Variants in IFT122 observed in about 807,000 individuals in gnomAD.
IFT122 encodes intraflagellar transport protein 122 homolog.
In IFT122, 118 loss-of-function variants were observed where a neutral mutation model predicts 161.6. The observed-to-expected ratio is 0.73, with a 90% CI of 0.63 to 0.85. The LOEUF (loss-of-function observed/expected upper bound fraction) is 0.85, where lower values mean the gene tolerates loss of function less well. Among genes scored for constraint, IFT122 ranks in the 40% least tolerant of loss-of-function variants. The probability of loss-of-function intolerance (pLI) is 0.00; values close to 1 mark genes in which losing one functional copy is unlikely to be tolerated. For synonymous variants in IFT122, 550 were observed against 602.4 expected, an observed-to-expected ratio of 0.91 and a Z score of 1.27; for missense variants, 1,381 against 1,579.6, an observed-to-expected ratio of 0.87 and a Z score of 2.13.
intron 5 of IFT122, chr3:129,463,320 C>G (rs1291236779): frequency 2.1e-6 from 1 of 478,462 alleles, no homozygotes; most frequent in Non-Finnish European, 3.8e-6. Flanking sequence ...CACCTTACCT[C>G]CAGTTATCTC....
At chr3:129,485,862 A>G (rs746924794) in intron 15 of IFT122, among the ~76,000 whole-genome samples, 34 of 152,222 alleles carry the variant, frequency 2.2e-4, no homozygotes, top group Non-Finnish European at 3.4e-4. Flanking sequence ...TTCTCAAGAC[A>G]AAGGCTGTTC....
Position 129,478,433 on chromosome 3 carries a change from G to GTTTTA in IFT122, c.1350+223_1350+227dup, listed in dbSNP as rs146257299. ...GCCATAAACTGGAGAATGTTTTTTT[G>GTTTTA]TTTTATTTTATTATTTTTTAAAAAA... is the stretch of plus-strand genomic sequence containing the variant. On this transcript the variant is annotated intron_variant, in intron 12 of 29. Coordinates refer to ENST00000348417, the MANE Select transcript of IFT122 (RefSeq NM_052989.3). 0.13 allele frequency among the ~76,000 whole-genome samples: 20,079 copies of GTTTTA among 151,936 alleles called. 1,684 individuals are homozygous for GTTTTA. Among genetic ancestry groups the GTTTTA allele is most frequent in the South Asian group, 0.24 (1,151 of 4,808 alleles).
intron 2 of IFT122, among the ~76,000 whole-genome samples, chr3:129,451,253 C>G (rs937381410): frequency 6.6e-6 from 1 of 152,094 alleles, no homozygotes; most frequent in Non-Finnish European, 1.5e-5. Flanking sequence ...CACACACCAC[C>G]TCGTCCACCT....
intron 13 of IFT122, 115 bp from the exon 14 acceptor site, chr3:129,481,415 T>C: frequency 1.1e-6 from 1 of 926,406 alleles, no homozygotes. Context: ...ACAGAGCTTC[T>C]GGTGAAGGTG....
chr3:129,442,552 A>G (rs936730297), intron 1 of IFT122, among the ~76,000 whole-genome samples: 2 of 151,254 alleles, frequency 1.3e-5, no homozygotes, highest in Non-Finnish European at 2.9e-5. Flanking sequence ...CTGATAGCCC[A>G]GAATGAAAAC....
chr3:129,484,079 A>G (rs371776414), intron 15 of IFT122, among the ~76,000 whole-genome samples: 3 of 148,896 alleles, frequency 2.0e-5, no homozygotes, highest in African/African-American at 5.0e-5. Flanking sequence ...GAGAGAGGGG[A>G]GAGAGAGAAT....
chr3:129,467,990 G>A (rs1162208107), intron 8 of IFT122, among the ~76,000 whole-genome samples: 1 of 152,172 alleles, frequency 6.6e-6, no homozygotes, highest in Non-Finnish European at 1.5e-5. Context: ...CATCTCACAG[G>A]GACTGAGCCC....
chr3:129,499,763 C>G (rs957699669), intron 18 of IFT122, 139 bp from the exon 19 acceptor site: 65 of 963,832 alleles, frequency 6.7e-5, no homozygotes, highest in Non-Finnish European at 1.0e-4. Context: ...CAACTCAGCC[C>G]CTCAGGGCCG....
intron 5 of IFT122, among the ~76,000 whole-genome samples, chr3:129,462,213 C>T (rs572709117): frequency 6.6e-6 from 1 of 152,296 alleles, no homozygotes; most frequent in African/African-American, 2.4e-5. Context: ...AAGCACTGGT[C>T]TGTGTGCTTA....
intron 23 of IFT122, 117 bp from the exon 24 acceptor site, chr3:129,512,195 C>T (rs914547532): frequency 3.8e-6 from 3 of 794,232 alleles, no homozygotes; most frequent in Non-Finnish European, 6.9e-6. Flanking sequence ...AGTAGGTGCT[C>T]AATAATCAGA....
chr3:129,480,597 A>G (rs2108318112), intron 13 of IFT122, among the ~76,000 whole-genome samples: 1 of 152,296 alleles, frequency 6.6e-6, no homozygotes, highest in Non-Finnish European at 1.5e-5. Flanking sequence ...TGGAAGTCAC[A>G]GGGCATGAGA....
intron 20 of IFT122, 66 bp from the exon 21 acceptor site, chr3:129,504,253 A>G (rs897325860): frequency 3.1e-6 from 4 of 1,304,656 alleles, no homozygotes; most frequent in Non-Finnish European, 3.3e-6. Flanking sequence ...GATTCAGCCA[A>G]GTACAGTGTT....
In IFT122 at chr3:129,488,129, C is replaced by T. The variant is rs888954264; in HGVS notation, c.1852-128C>T. 2.1e-4 allele frequency: 315 copies of T among 1,506,204 alleles called. 1 individual carries two copies. Among genetic ancestry groups the T allele is most frequent in the Non-Finnish European group, 2.7e-4 (295 of 1,093,390 alleles). 93.3% of individuals were successfully genotyped at this position (1,506,204 alleles called of 1,614,324 possible). ...GCAGGCTGGGCAGGGTGCTGATTGG[C>T]GGCTGCAGGGCTGCTCCCCAGGCAT... On this transcript the variant is annotated intron_variant, in intron 15 of 29. Coordinates refer to ENST00000348417, the MANE Select transcript of IFT122 (RefSeq NM_052989.3).
Position 129,507,689 on chromosome 3 carries a change from T to C in IFT122, c.2813T>C (p.Met938Thr), listed in dbSNP as rs1249318811. 6.2e-7 allele frequency: 1 copy of C among 1,614,042 alleles called. No homozygotes were observed. Among genetic ancestry groups the C allele is most frequent in the Non-Finnish European group, 8.5e-7 (1 of 1,179,996 alleles). ...IAQDPAQKDT[M>T]LGKFYHFQRL... ...GCAGATCCTGCCCAGAAGGACACAA[T>C]GCTTGGCAAGTTCTACCACTTCCAG... The change falls in exon 23 of 30, where the codon ATG becomes ACG. Residue 938 changes from methionine to threonine, a missense_variant. Met to Thr is a moderately conservative substitution (Grantham distance 81). This residue lies in a region of IFT122 where 496 missense variants were observed against 502.5 expected (regional missense o/e 0.99). Transcript: ENST00000348417.
At chr3:129,509,284 A>G (rs937846335) in intron 23 of IFT122, among the ~76,000 whole-genome samples, 4 of 152,162 alleles carry the variant, frequency 2.6e-5, no homozygotes, top group African/African-American at 9.7e-5. Flanking sequence ...CAAATGCCAA[A>G]CAACCGTAGA....
rs1243629398 is a variant in IFT122, at chr3:129,516,694, G to GCGCACACACA, written c.3266-774_3266-773insGCACACACAC. 3.9e-3 allele frequency among the ~76,000 whole-genome samples: 197 copies of GCGCACACACA among 50,214 alleles called. 6 individuals carry two copies. The highest frequency in any genetic ancestry group is 0.023 in the Middle Eastern group (1 of 44). 32.9% of individuals were successfully genotyped at this position (50,214 alleles called of 152,430 possible). A position where few individuals can be genotyped will look rare whatever the true frequency, so the allele number is the denominator to read the frequency against. ...CCCTGCACACACACAGATTGCTCCT[G>GCGCACACACA]CACACACACACACACACACACACAC... On this transcript the variant is annotated intron_variant, in intron 26 of 29. Transcript: ENST00000348417.
chr3:129,514,304 C>A, intron 24 of IFT122, 85 bp from the exon 25 acceptor site: 1 of 1,470,950 alleles, frequency 6.8e-7, no homozygotes, highest in Non-Finnish European at 9.4e-7. Flanking sequence ...AGCTGTGTTC[C>A]AGCCTGGGGC....
Position 129,495,273 on chromosome 3 carries a change from G to A in IFT122, c.2047-173G>A, listed in dbSNP as rs371146624. On this transcript the variant is annotated intron_variant, in intron 17 of 29. Transcript: ENST00000348417. ...TGTCTGGTAAAAGCCTGCTTTTGTT[G>A]TCAAGCCTTCCCAGCGGGAACCTAG... Among the ~76,000 whole-genome samples the A allele has an allele frequency of 3.1e-3, 477 of 152,248 alleles. 4 individuals carry two copies. The highest frequency in any genetic ancestry group is 0.011 in the African/African-American group (437 of 41,520).
At chr3:129,460,817 G>T in intron 4 of IFT122, 1 of 1,558,070 alleles carries the variant, frequency 6.4e-7, no homozygotes. Context: ...GATTTGCTCA[G>T]CTTTCATTGT....
Sources: gnomAD v4.1 joint callset for allele counts (sites outside exome capture counted in the v4.1 genomes callset) on GRCh38, gnomAD v4.1.1 for gene constraint, gnomAD v4.1.1 regional missense constraint, MANE v1.5 for transcripts, NCBI Gene and HGNC (gene_info 2026-07-23, HGNC 2026-07-21) for gene names.